Variants in ANO3 observed in about 807,000 individuals in gnomAD.
ANO3 encodes anoctamin-3.
Under a neutral mutation model 144.8 loss-of-function variants are expected in ANO3, and 99 were observed. That is an observed-to-expected ratio of 0.68 (90% CI 0.58 to 0.81). The LOEUF is 0.81. Among genes scored for constraint, ANO3 ranks in the 30% least tolerant of loss-of-function variants. ANO3 has a pLI of 0.00. For missense variants in ANO3, 905 were observed against 1,202.2 expected (o/e 0.75, Z 3.66); for synonymous variants, 414 against 392.6 (o/e 1.05, Z -0.64).
At chr11:26,378,394 T>C (rs1590308791) in intron 1 of ANO3, among the ~76,000 whole-genome samples, 1 of 134,756 alleles carries the variant, frequency 7.4e-6, no homozygotes, top group East Asian at 2.2e-4. Context: ...ATATAATCTA[T>C]ATATTATCTA....
At chr11:26,640,677 T>C (rs1853119451) in intron 21 of ANO3, among the ~76,000 whole-genome samples, 1 of 152,110 alleles carries the variant, frequency 6.6e-6, no homozygotes, top group Admixed American at 6.6e-5. Context: ...ATTATGGCCT[T>C]GCGCTAGGGG....
At chr11:26,357,962 A>G (rs531582735) in intron 1 of ANO3, among the ~76,000 whole-genome samples, 1 of 152,194 alleles carries the variant, frequency 6.6e-6, no homozygotes, top group South Asian at 2.1e-4. Context: ...TGCCTTTGCA[A>G]TTTGTCAAAA....
At chr11:26,386,877 T>A (rs1244505151) in intron 1 of ANO3, among the ~76,000 whole-genome samples, 1 of 152,164 alleles carries the variant, frequency 6.6e-6, no homozygotes, top group Non-Finnish European at 1.5e-5. Context: ...GTAAATTGTA[T>A]GTAACGTGTT....
chr11:26,404,389 A>G (rs926965707), intron 1 of ANO3, among the ~76,000 whole-genome samples: 1 of 151,814 alleles, frequency 6.6e-6, no homozygotes, highest in Non-Finnish European at 1.5e-5. Flanking sequence ...AAGTCTAATC[A>G]CTTTGGAAAA....
At chr11:26,408,481 G>A (rs1414309942) in intron 1 of ANO3, among the ~76,000 whole-genome samples, 3 of 150,460 alleles carry the variant, frequency 2.0e-5, no homozygotes, top group Non-Finnish European at 4.5e-5. Flanking sequence ...AACAACAGGT[G>A]CTGGAGAGGA....
intron 1 of ANO3, among the ~76,000 whole-genome samples, chr11:26,275,660 G>A (rs1291861270): frequency 6.6e-6 from 1 of 152,068 alleles, no homozygotes; most frequent in Non-Finnish European, 1.5e-5. Flanking sequence ...TTTCACCTGC[G>A]TAACTCTGGA....
intron 1 of ANO3, among the ~76,000 whole-genome samples, chr11:26,192,866 C>T (rs944781535): frequency 1.3e-5 from 2 of 151,986 alleles, no homozygotes; most frequent in African/African-American, 4.8e-5. Flanking sequence ...CTTTGTGTTC[C>T]AGAGATTGAT....
chr11:26,615,414 A>ATT (rs66840659), intron 17 of ANO3, among the ~76,000 whole-genome samples: 1,346 of 130,668 alleles, frequency 0.01, 34 homozygotes, highest in African/African-American at 0.035. Context: ...ATATATATAT[A>ATT]TTTTTTTTTT....
At chr11:26,283,529 G>C (rs1364318184) in intron 1 of ANO3, among the ~76,000 whole-genome samples, 1 of 151,580 alleles carries the variant, frequency 6.6e-6, no homozygotes, top group Non-Finnish European at 1.5e-5. Flanking sequence ...ATGAAAAGTA[G>C]TTCATAATCA....
chr11:26,244,717 A>C (rs760285033), intron 1 of ANO3, among the ~76,000 whole-genome samples: 19 of 152,322 alleles, frequency 1.2e-4, no homozygotes, highest in Non-Finnish European at 2.5e-4. Context: ...ATTTAAGTCC[A>C]AATGGCAATA....
intron 5 of ANO3, among the ~76,000 whole-genome samples, chr11:26,511,439 T>C (rs764416772): frequency 6.6e-6 from 1 of 152,202 alleles, no homozygotes; most frequent in African/African-American, 2.4e-5. Flanking sequence ...TTTTTTATAC[T>C]CTTTCCACTT....
chr11:26,253,225 G>A (rs3108824), intron 1 of ANO3, among the ~76,000 whole-genome samples: 152,308 of 152,314 alleles, frequency 1, 76,151 homozygotes, highest in Middle Eastern at 1. Flanking sequence ...GCTAAAATAT[G>A]AAAAGAATGA....
chr11:26,288,897 G>A (rs1202432529), intron 1 of ANO3, among the ~76,000 whole-genome samples: 1 of 152,124 alleles, frequency 6.6e-6, no homozygotes, highest in East Asian at 1.9e-4. Context: ...ACAATATCCA[G>A]ATTTCAAATT....
At chr11:26,289,765 AT>A (rs200114469) in intron 1 of ANO3, among the ~76,000 whole-genome samples, 2,892 of 145,952 alleles carry the variant, frequency 0.02, 152 homozygotes, top group African/African-American at 0.065. Flanking sequence ...GTGTATATAT[AT>A]GTATACATAT....
chr11:26,552,762 T>C (rs966127481), intron 12 of ANO3, among the ~76,000 whole-genome samples: 2 of 151,876 alleles, frequency 1.3e-5, no homozygotes, highest in African/African-American at 4.8e-5. Flanking sequence ...CAAGCAAACA[T>C]AAAAAAGCAA....
chr11:26,259,060 G>A (rs1446109158), intron 1 of ANO3, among the ~76,000 whole-genome samples: 2 of 152,130 alleles, frequency 1.3e-5, no homozygotes, highest in African/African-American at 4.8e-5. Flanking sequence ...ACAATGAAAG[G>A]TTGATGAAAC....
chr11:26,360,818 T>C (rs1384896210), intron 1 of ANO3, among the ~76,000 whole-genome samples: 8 of 152,232 alleles, frequency 5.3e-5, no homozygotes, highest in Admixed American at 5.2e-4. Context: ...ACTTCATGGA[T>C]TAAAACTATT....
At chr11:26,490,631 T>A (rs1590410734) in intron 4 of ANO3, among the ~76,000 whole-genome samples, 1 of 152,100 alleles carries the variant, frequency 6.6e-6, no homozygotes, top group South Asian at 2.1e-4. Context: ...CACAGAGAAA[T>A]GAAGGTAGAA....
chr11:26,314,175 G>A (rs562439674), intron 1 of ANO3, among the ~76,000 whole-genome samples: 121 of 152,192 alleles, frequency 8.0e-4, no homozygotes, highest in African/African-American at 2.4e-3. Flanking sequence ...CATGTTTTCC[G>A]TCTTATAAGA....
Sources: gnomAD v4.1 joint callset for allele counts (sites outside exome capture counted in the v4.1 genomes callset) on GRCh38, gnomAD v4.1.1 for gene constraint, MANE v1.5 for transcripts, NCBI Gene and HGNC (gene_info 2026-07-23, HGNC 2026-07-21) for gene names.